The following NEK5 variants were observed in gnomAD, a reference collection of about 807,000 sequenced individuals.
NEK5 encodes NIMA related kinase 5.
In NEK5, 88 loss-of-function variants were observed where a neutral mutation model predicts 109.2. The observed-to-expected ratio is 0.81, with a 90% confidence interval of 0.68 to 0.96. The LOEUF is 0.96. Ranked by LOEUF, NEK5 falls within the 40% of genes least tolerant of loss-of-function variation. The probability of loss-of-function intolerance (pLI) is 0.00; values close to 1 mark genes in which losing one functional copy is unlikely to be tolerated. For missense variants in NEK5, 834 were observed against 920.7 expected (o/e 0.91, Z 1.22); for synonymous variants, 283 against 299.9 (o/e 0.94, Z 0.58).
Position 52,127,679 on chromosome 13 carries a change from T to G in NEK5, c.-90-17A>C. On this transcript the variant is annotated splice_polypyrimidine_tract_variant and intron_variant, in intron 1 of 23. Coordinates refer to ENST00000684899, the MANE Select transcript of NEK5 (RefSeq NM_001365552.1). ...CACAGATAACTGAAATGAGACAGAGTTTCTTGGTCAGACACGGGTCATAGC... is the reference window on the plus strand; with the variant it reads ...CACAGATAACTGAAATGAGACAGAGGTTCTTGGTCAGACACGGGTCATAGC... 3 of 523,402 alleles carry G rather than the reference T, an allele frequency of 5.7e-6. No individual in the cohort carries two copies. Among genetic ancestry groups the G allele is most frequent in the Non-Finnish European group, 3.4e-6 (1 of 295,704 alleles). 32.4% of individuals were successfully genotyped at this position (523,402 alleles called of 1,614,324 possible).
intron 19 of NEK5, 123 bp downstream of exon 19, chr13:52,075,635 A>T: frequency 1.5e-6 from 1 of 665,728 alleles, no homozygotes; most frequent in Non-Finnish European, 2.6e-6. Flanking sequence ...GTACCACCTG[A>T]ATCTAAAATA....
intron 23 of NEK5, among the ~76,000 whole-genome samples, chr13:52,039,271 A>G (rs1350573499): frequency 6.6e-6 from 1 of 152,138 alleles, no homozygotes; most frequent in Non-Finnish European, 1.5e-5. Context: ...GAGCTGAGGG[A>G]TGAGGGTTTG....
intron 13 of NEK5, among the ~76,000 whole-genome samples, chr13:52,091,508 G>T (rs902435872): frequency 8.5e-5 from 13 of 152,130 alleles, no homozygotes; most frequent in African/African-American, 3.1e-4. Context: ...TGTTTCTGAA[G>T]AAATTATTCT....
chr13:52,109,076 A>G (rs1955708400), intron 7 of NEK5, among the ~76,000 whole-genome samples: 1 of 152,236 alleles, frequency 6.6e-6, no homozygotes, highest in East Asian at 1.9e-4. Flanking sequence ...CAGGATATTT[A>G]AAAATCTCTT....
chr13:52,061,672 G>A (rs1954615608), intron 22 of NEK5, 147 bp downstream of exon 22: 1 of 174,854 alleles, frequency 5.7e-6, no homozygotes, highest in Admixed American at 6.5e-5. Flanking sequence ...GAATAGGATT[G>A]GACAAAGCAA....
At chr13:52,115,407 C>A (rs1457312395) in intron 4 of NEK5, among the ~76,000 whole-genome samples, 5 of 151,106 alleles carry the variant, frequency 3.3e-5, no homozygotes, top group Non-Finnish European at 7.4e-5. Context: ...GAATTTGAGA[C>A]CAGCCTGGCC....
At chr13:52,078,053 A>C (rs1190071296) in intron 17 of NEK5, among the ~76,000 whole-genome samples, 1 of 152,086 alleles carries the variant, frequency 6.6e-6, no homozygotes, top group Non-Finnish European at 1.5e-5. Context: ...CAGCCTGGGC[A>C]ACAAGGGCGA....
intron 22 of NEK5, among the ~76,000 whole-genome samples, chr13:52,051,515 G>C (rs762245106): frequency 7.9e-5 from 12 of 152,136 alleles, no homozygotes; most frequent in Non-Finnish European, 1.5e-4. Context: ...ACTGTCTTTT[G>C]CAGTAAGTTA....
intron 4 of NEK5, among the ~76,000 whole-genome samples, chr13:52,112,813 T>C (rs187317479): frequency 1.1e-3 from 161 of 152,324 alleles, no homozygotes; most frequent in African/African-American, 3.7e-3. Flanking sequence ...TGTTGTTGAA[T>C]ACAATAGAAA....
chr13:52,084,774 T>A (rs1466686849), intron 16 of NEK5, among the ~76,000 whole-genome samples: 126 of 62,914 alleles, frequency 2.0e-3, no homozygotes, highest in African/African-American at 3.8e-3. Context: ...TGTGTGTGTG[T>A]GTGTGTGTGT....
At chr13:52,072,791 T>A (rs978624836) in intron 19 of NEK5, among the ~76,000 whole-genome samples, 3 of 152,300 alleles carry the variant, frequency 2.0e-5, no homozygotes, top group Admixed American at 2.0e-4. Context: ...ATAAAGAACA[T>A]TAAATAAAAA....
At chr13:52,072,213 A>G in intron 19 of NEK5, 143 bp from the exon 20 acceptor site, 2 of 644,260 alleles carry the variant, frequency 3.1e-6, no homozygotes, top group Non-Finnish European at 5.3e-6. Flanking sequence ...ATAAATCCAT[A>G]GAGTTTTAAA....
At chr13:52,068,568 T>A (rs1267693620) in intron 20 of NEK5, among the ~76,000 whole-genome samples, 1 of 151,944 alleles carries the variant, frequency 6.6e-6, no homozygotes, top group Non-Finnish European at 1.5e-5. Context: ...GCAATACATA[T>A]TACAGGCAAA....
intron 17 of NEK5, among the ~76,000 whole-genome samples, chr13:52,080,182 C>T (rs1159141636): frequency 1.3e-5 from 2 of 151,006 alleles, no homozygotes; most frequent in Admixed American, 1.3e-4. Flanking sequence ...GGTCAGCCCC[C>T]GCCAGGCCAG....
At chr13:52,106,038 A>T (rs1955646993) in intron 8 of NEK5, among the ~76,000 whole-genome samples, 1 of 152,048 alleles carries the variant, frequency 6.6e-6, no homozygotes, top group African/African-American at 2.4e-5. Flanking sequence ...AAAGCAGTAC[A>T]AGCAAACAAA....
In NEK5 at chr13:52,129,023, G is replaced by T. The variant is rs117184528; in HGVS notation, c.-91+6C>A. On this transcript the variant is annotated splice_donor_region_variant and intron_variant, in intron 1 of 23. Transcript: ENST00000684899. ...CAAGAACTAAGGGCGGCCCCTGCAAGCGTACCTGCTCCGCCGGCTCCGCGG... is the reference window on the plus strand; with the variant it reads ...CAAGAACTAAGGGCGGCCCCTGCAATCGTACCTGCTCCGCCGGCTCCGCGG... 0.043 allele frequency: 6,541 copies of T among 152,406 alleles called. 184 individuals carry two copies. Among genetic ancestry groups the T allele is most frequent in the Non-Finnish European group, 0.069 (4,669 of 68,090 alleles). 9.4% of individuals were successfully genotyped at this position (152,406 alleles called of 1,614,324 possible).
chr13:52,080,129 A>C (rs1467381893), intron 17 of NEK5, among the ~76,000 whole-genome samples: 1 of 147,276 alleles, frequency 6.8e-6, no homozygotes, highest in South Asian at 2.2e-4. Flanking sequence ...GGAGGTGAGG[A>C]GCGTCTCCGC....
chr13:52,051,131 G>A lies in NEK5; in HGVS notation c.2111-910C>T, dbSNP rs149502466. Among the ~76,000 whole-genome samples the A allele has an allele frequency of 5.0e-3, 759 of 150,822 alleles. 6 individuals are homozygous for A. Among genetic ancestry groups the A allele is most frequent in the African/African-American group, 0.017 (713 of 41,082 alleles). ...AAAGTTTAATATTTAGGCTATAAACGTTTTTTAAAGGCCTTTTCTGCTTTT... is the reference window on the plus strand; with the variant it reads ...AAAGTTTAATATTTAGGCTATAAACATTTTTTAAAGGCCTTTTCTGCTTTT... On this transcript the variant is annotated intron_variant, in intron 22 of 23. Transcript: ENST00000684899.
chr13:52,120,855 T>A (rs1452783172), intron 3 of NEK5, among the ~76,000 whole-genome samples: 1 of 144,792 alleles, frequency 6.9e-6, no homozygotes, highest in African/African-American at 2.6e-5. Context: ...GAGGCTGCAG[T>A]AAGCCAAAAT....
Sources: gnomAD v4.1 joint callset for allele counts (sites outside exome capture counted in the v4.1 genomes callset) on GRCh38, gnomAD v4.1.1 for gene constraint, MANE v1.5 for transcripts, NCBI Gene and HGNC (gene_info 2026-07-23, HGNC 2026-07-21) for gene names.